Variants in NUDCD2 observed in about 807,000 individuals in gnomAD.
The protein encoded by NUDCD2 is nudC domain-containing protein 2.
In NUDCD2, 16 loss-of-function variants were observed where a neutral mutation model predicts 20.8. That is an observed-to-expected ratio of 0.77 (90% CI 0.52 to 1.17). The LOEUF (loss-of-function observed/expected upper bound fraction) is 1.17. Ranked by LOEUF, NUDCD2 falls within the 50% of genes most tolerant of loss-of-function variation. The probability of loss-of-function intolerance (pLI) is 0.00; values close to 1 mark genes in which losing one functional copy is unlikely to be tolerated. For synonymous variants in NUDCD2, 87 were observed against 72.8 expected, an observed-to-expected ratio of 1.20 and a Z score of -1.00; for missense variants, 199 against 193.9, an observed-to-expected ratio of 1.03 and a Z score of -0.16.
At chr5:163,455,532 G>C (rs948781938) in intron 3 of NUDCD2, among the ~76,000 whole-genome samples, 1 of 152,216 alleles carries the variant, frequency 6.6e-6, no homozygotes, top group Non-Finnish European at 1.5e-5. Context: ...GGGAGGCCAA[G>C]GCGGGCGGAT....
Position 163,450,055 on chromosome 5 carries a change from A to C in NUDCD2, c.*3912T>G, listed in dbSNP as rs1758140032. The C allele has an allele frequency of 6.6e-6, 1 of 152,190 alleles. No homozygotes were observed. The highest frequency in any genetic ancestry group is 2.1e-4 in the South Asian group (1 of 4,828). 9.4% of individuals were successfully genotyped at this position (152,190 alleles called of 1,614,324 possible). A position where few individuals can be genotyped will look rare whatever the true frequency, so the allele number is the denominator to read the frequency against. On this transcript the variant is annotated 3_prime_UTR_variant, in exon 4 of 4. Transcript: ENST00000302764. The stretch of plus-strand genomic sequence containing the variant: ...GATCCGTTGAGGTCAGTTCAAGACC[A>C]GCCTAGCCTATATGGTGAAATCCCA...
intron 3 of NUDCD2, among the ~76,000 whole-genome samples, chr5:163,456,390 C>G (rs2113422175): frequency 6.6e-6 from 1 of 152,178 alleles, no homozygotes; most frequent in East Asian, 1.9e-4. Flanking sequence ...ATGACACATC[C>G]AAACTACAGA....
rs1053108 is a variant in NUDCD2 at position 163,453,618 on chromosome 5, G to C, written c.*349C>G. ...TTATTGAATATCATACTTATCAAAA[G>C]AAAAAGTTAATTTTCCCCAAAGGCA... On this transcript the variant is annotated 3_prime_UTR_variant, in exon 4 of 4. Coordinates refer to ENST00000302764, the MANE Select transcript of NUDCD2 (RefSeq NM_145266.6). The C allele has an allele frequency of 6.3e-6, 1 of 159,820 alleles. No homozygotes were observed. The allele number at this position is 159,820 out of a possible 1,614,324, so 9.9% of individuals were successfully genotyped here.
intron 1 of NUDCD2, chr5:163,459,558 G>A (rs759305216): frequency 2.0e-4 from 37 of 189,656 alleles, no homozygotes; most frequent in Non-Finnish European, 3.7e-4. Context: ...TTCAGTGCAC[G>A]GAAGAAATAT....
At position 163,459,957 on chromosome 5, in the gene NUDCD2, C is replaced by A. The variant is rs774857337; in HGVS notation, c.94G>T (p.Val32Phe). The A allele has an allele frequency of 4.3e-6, 7 of 1,613,590 alleles. No individual in the cohort carries two copies. The Admixed American group carries it at 6.7e-5, about 15-fold the overall frequency. ...YQTLEEVFIE[V>F]QVPPGTRAQD... ...GCGCGCGTGCCTGGCGGCACCTGAA[C>A]TTCAATGAACACCTCCTCCAAGGTC... Residue 32 changes from valine to phenylalanine, a missense_variant, in exon 1 of 4, where the codon GTT becomes TTT. Physicochemically the swap from Val to Phe is conservative, Grantham distance 50. Coordinates refer to ENST00000302764, the MANE Select transcript of NUDCD2 (RefSeq NM_145266.6).
chr5:163,454,069 T>C lies in NUDCD2; in HGVS notation c.391-19A>G, dbSNP rs1252578197. Reference sequence around the variant, plus strand: ...CAGGATTCTAAAAGATACAAACATATATATAATGAAATAAAACTTATAAGG... The same window carrying C: ...CAGGATTCTAAAAGATACAAACATACATATAATGAAATAAAACTTATAAGG... On this transcript the variant is annotated intron_variant, in intron 3 of 3. Coordinates refer to ENST00000302764, the MANE Select transcript of NUDCD2 (RefSeq NM_145266.6). 2.2e-6 allele frequency: 3 copies of C among 1,350,146 alleles called. No homozygotes were observed. The highest frequency in any genetic ancestry group is 3.0e-6 in the Non-Finnish European group (3 of 993,786). 83.6% of individuals were successfully genotyped at this position (1,350,146 alleles called of 1,614,324 possible). A position where few individuals can be genotyped will look rare whatever the true frequency, so the allele number is the denominator to read the frequency against.
In NUDCD2 at chr5:163,453,991, T is replaced by C; in HGVS notation, c.450A>G (p.Pro150=). ...EISGNYTKGG[P]DFSNLEK is the part of the protein sequence containing the mutation. ...GTTATTTCTCAAGGTTTGAGAAATC[T>C]GGTCCACCTTTAGTGTAGTTTCCTG... Residue 150 remains proline (P), a synonymous_variant, in exon 4 of 4, where the codon CCA becomes CCG. Coordinates refer to ENST00000302764, the MANE Select transcript of NUDCD2 (RefSeq NM_145266.6). 6.5e-7 allele frequency: 1 copy of C among 1,548,476 alleles called. No homozygotes were observed. Among genetic ancestry groups the C allele is most frequent in the Non-Finnish European group, 8.7e-7 (1 of 1,143,808 alleles).
chr5:163,454,928 G>A (rs766232754), intron 3 of NUDCD2, among the ~76,000 whole-genome samples: 1 of 152,202 alleles, frequency 6.6e-6, no homozygotes, highest in Non-Finnish European at 1.5e-5. Flanking sequence ...CAGTACAGGG[G>A]CTGGCAGACT....
intron 3 of NUDCD2, among the ~76,000 whole-genome samples, chr5:163,455,492 G>A (rs950689189): frequency 3.9e-5 from 6 of 152,184 alleles, no homozygotes; most frequent in Admixed American, 6.5e-5. Context: ...GGCTGGGCGC[G>A]GTGGTTCACG....
chr5:163,455,144 A>G (rs1158131886), intron 3 of NUDCD2, among the ~76,000 whole-genome samples: 1 of 151,944 alleles, frequency 6.6e-6, no homozygotes, highest in Non-Finnish European at 1.5e-5. Context: ...TAAGTGACAC[A>G]GAAAAAAAAA....
In NUDCD2 at chr5:163,452,879, A is replaced by C. The variant is rs1758210449; in HGVS notation, c.*1088T>G. Reference sequence around the variant, plus strand: ...CAAATGAGAATTTGTTCCAGAATGAAGTAAACTAAAGACAGCTGACATCTA... The same window carrying C: ...CAAATGAGAATTTGTTCCAGAATGACGTAAACTAAAGACAGCTGACATCTA... On this transcript the variant is annotated 3_prime_UTR_variant, in exon 4 of 4. Transcript: ENST00000302764. The C allele has an allele frequency of 6.6e-6, 1 of 152,240 alleles. No individual in the cohort carries two copies. The highest frequency in any genetic ancestry group is 2.1e-4 in the South Asian group (1 of 4,832). The allele number at this position is 152,240 out of a possible 1,614,324, so 9.4% of individuals were successfully genotyped here.
rs1172525589 is a variant in NUDCD2, at chr5:163,453,559, G to C, written c.*408C>G. On this transcript the variant is annotated 3_prime_UTR_variant, in exon 4 of 4. Transcript: ENST00000302764. ...AATTTTGTGTGAATTGTTATACTTA[G>C]ACAAAGGGGTACACAATTCCTATTT... The C allele has an allele frequency of 6.5e-6, 1 of 152,750 alleles. No individual in the cohort carries two copies. Among genetic ancestry groups the C allele is most frequent in the Non-Finnish European group, 1.5e-5 (1 of 68,268 alleles). 9.5% of individuals were successfully genotyped at this position (152,750 alleles called of 1,614,324 possible).
rs770293479 is a variant in NUDCD2 at position 163,453,722 on chromosome 5, G to C, written c.*245C>G. Reference sequence around the variant, plus strand: ...TTAAATATGGAATTAGTAAAATGCAGCATATAAAACTTCATGCTGAGCAAA... The same window carrying C: ...TTAAATATGGAATTAGTAAAATGCACCATATAAAACTTCATGCTGAGCAAA... On this transcript the variant is annotated 3_prime_UTR_variant, in exon 4 of 4. Coordinates refer to ENST00000302764, the MANE Select transcript of NUDCD2 (RefSeq NM_145266.6). 3.4e-6 allele frequency: 1 copy of C among 294,200 alleles called. No individual in the cohort carries two copies. The highest frequency in any genetic ancestry group is 6.2e-6 in the Non-Finnish European group (1 of 160,340). 18.2% of individuals were successfully genotyped at this position (294,200 alleles called of 1,614,324 possible).
rs1356209533 is a variant in NUDCD2 at position 163,448,883 on chromosome 5, A to T, written c.*5084T>A. ...AGAATGACCAAACTGATACAGAAAGAGCATAGAAAATTCAGCATCCACTCA... is the reference window on the plus strand; with the variant it reads ...AGAATGACCAAACTGATACAGAAAGTGCATAGAAAATTCAGCATCCACTCA... On this transcript the variant is annotated 3_prime_UTR_variant, in exon 4 of 4. Coordinates refer to ENST00000302764, the MANE Select transcript of NUDCD2 (RefSeq NM_145266.6). 1 of 152,222 alleles carries T rather than the reference A, an allele frequency of 6.6e-6. No homozygotes were observed. The highest frequency in any genetic ancestry group is 2.4e-5 in the African/African-American group (1 of 41,462). 9.4% of individuals were successfully genotyped at this position (152,222 alleles called of 1,614,324 possible).
rs1758041604 is a variant in NUDCD2, at chr5:163,446,553, A to G, written c.*7414T>C. 6.6e-6 allele frequency: 1 copy of G among 152,200 alleles called. No individual in the cohort carries two copies. The highest frequency in any genetic ancestry group is 1.5e-5 in the Non-Finnish European group (1 of 68,038). The allele number at this position is 152,200 out of a possible 1,614,324, so 9.4% of individuals were successfully genotyped here. A position where few individuals can be genotyped will look rare whatever the true frequency, so the allele number is the denominator to read the frequency against. On this transcript the variant is annotated 3_prime_UTR_variant, in exon 4 of 4. Transcript: ENST00000302764. ...GCTTGTATAATTTTTAATCAAAACTATATGCTGGCCACATTAACTTCTGTG... is the reference window on the plus strand; with the variant it reads ...GCTTGTATAATTTTTAATCAAAACTGTATGCTGGCCACATTAACTTCTGTG...
At position 163,446,952 on chromosome 5, in the gene NUDCD2, G is replaced by A. The variant is rs1758052042; in HGVS notation, c.*7015C>T. ...ATTGCTTGAACCTGTGAGGCAGTGA[G>A]ACAAGATCACACCACTGCTCTCCAA... is the stretch of plus-strand genomic sequence containing the variant. On this transcript the variant is annotated 3_prime_UTR_variant, in exon 4 of 4. Transcript: ENST00000302764. 1 of 152,186 alleles carries A rather than the reference G, an allele frequency of 6.6e-6. No homozygotes were observed. The highest frequency in any genetic ancestry group is 1.5e-5 in the Non-Finnish European group (1 of 68,064). 9.4% of individuals were successfully genotyped at this position (152,186 alleles called of 1,614,324 possible). A position where few individuals can be genotyped will look rare whatever the true frequency, so the allele number is the denominator to read the frequency against.
chr5:163,455,329 T>C (rs542342185), intron 3 of NUDCD2, among the ~76,000 whole-genome samples: 1 of 152,274 alleles, frequency 6.6e-6, no homozygotes, highest in East Asian at 1.9e-4. Context: ...CAGGCCAGTA[T>C]GGCAAAAGCA....
intron 3 of NUDCD2, among the ~76,000 whole-genome samples, chr5:163,454,776 G>A (rs548359097): frequency 3.4e-4 from 52 of 152,142 alleles, no homozygotes; most frequent in East Asian, 9.7e-4. Context: ...GGGCTATTTC[G>A]TTTATCCAAC....
intron 2 of NUDCD2, 29 bp downstream of exon 2, chr5:163,457,528 TTTTAA>T (rs1581179858): frequency 8.0e-7 from 1 of 1,250,944 alleles, no homozygotes. Flanking sequence ...GACAAAATTA[TTTTAA>T]TTTGATGAAT....
Sources: gnomAD v4.1 joint callset for allele counts (sites outside exome capture counted in the v4.1 genomes callset) on GRCh38, gnomAD v4.1.1 for gene constraint, MANE v1.5 for transcripts, NCBI Gene and HGNC (gene_info 2026-07-23, HGNC 2026-07-21) for gene names.